PEX10: variants seen among roughly 807,000 people sequenced by gnomAD.
PEX10 encodes the protein peroxisomal biogenesis factor 10.
PEX10 carries 32 observed loss-of-function variants against 38.0 expected under a neutral mutation model. The observed-to-expected ratio is 0.84, with a 90% CI of 0.63 to 1.13. The LOEUF (loss-of-function observed/expected upper bound fraction) is 1.13, where lower values mean the gene tolerates loss of function less well. PEX10 is among the 50% of genes most tolerant of loss of function. The pLI is 0.00. For missense variants in PEX10, 483 were observed against 457.7 expected (o/e 1.06, Z -0.51); for synonymous variants, 206 against 207.3 (o/e 0.99, Z 0.05).
rs2100427855 is a variant in PEX10, at chr1:2,408,466, T to C, written c.586A>G (p.Thr196Ala). 6.2e-7 allele frequency: 1 copy of C among 1,612,668 alleles called. No individual in the cohort carries two copies. Among genetic ancestry groups the C allele is most frequent in the East Asian group, 2.2e-5 (1 of 44,876 alleles). Residue 196 changes from threonine to alanine, a missense_variant, in exon 3 of 6, where the codon ACG (threonine) becomes GCG (alanine). Physicochemically the swap from Thr to Ala is moderately conservative, Grantham distance 58. Transcript: ENST00000447513. ...CTGCTACTTACGTACGTGATCCCCG[T>C]GAGCCTCTTGGCCAGGTGGTAGAAG... ...GVFYHLAKRL[T>A]GITYLRVRSL...
Position 2,409,178 on chromosome 1 carries a change from A to C in PEX10, c.194-320T>G, listed in dbSNP as rs1643107689. On this transcript the variant is annotated intron_variant, in intron 2 of 5. Coordinates refer to ENST00000447513, the MANE Select transcript of PEX10 (RefSeq NM_002617.4). This position sits in a 1 kb window ranked among gnomAD's most constrained non-coding sequence, Gnocchi z 6.2. ...CCCTTTCTCCCTAGCTGTCCCCGCCACCTCCCCCAGCCCAAGCACTCGGAT... is the reference window on the plus strand; with the variant it reads ...CCCTTTCTCCCTAGCTGTCCCCGCCCCCTCCCCCAGCCCAAGCACTCGGAT... Among the ~76,000 whole-genome samples, 2 of 145,344 alleles carry C rather than the reference A, an allele frequency of 1.4e-5. No homozygotes were observed.
intron 1 of PEX10, among the ~76,000 whole-genome samples, chr1:2,411,705 T>G (rs1643229321): frequency 6.6e-6 from 1 of 152,020 alleles, no homozygotes; most frequent in Non-Finnish European, 1.5e-5. Context: ...GTCCGGCTAA[T>G]TTTCAGATTT....
rs747771124 is a variant in PEX10 at position 2,406,763 on chromosome 1, C to T, written c.733G>A (p.Ala245Thr). The change falls in exon 4 of 6, where the codon GCC (alanine) becomes ACC (threonine). Residue 245 changes from alanine to threonine, a missense_variant. Physicochemically the swap from Ala to Thr is moderately conservative, Grantham distance 58 (BLOSUM62 0). Transcript: ENST00000447513. Reference protein sequence around the residue: ...QLYGFRQRQRARKEWRLHRGL... With the variant: ...QLYGFRQRQRTRKEWRLHRGL... Reference sequence around the variant, plus strand: ...CGGTGCAGCCTCCACTCCTTCCTGGCTCGCTGCCGCTGCCTGAAACCGTAC... The same window carrying T: ...CGGTGCAGCCTCCACTCCTTCCTGGTTCGCTGCCGCTGCCTGAAACCGTAC... 1.2e-6 allele frequency: 2 copies of T among 1,609,324 alleles called. No homozygotes were observed. The highest frequency in any genetic ancestry group is 1.1e-5 in the South Asian group (1 of 90,438).
rs1418762869 is a variant in PEX10, at chr1:2,405,828, A to G, written c.919T>C (p.Cys307Arg). The change falls in exon 6 of 6, where the codon TGT becomes CGT. Residue 307 changes from cysteine (C) to arginine (R), a missense_variant. By Grantham distance (180) the Cys-to-Arg change is radical. Transcript: ENST00000447513. ...GGGAACTTCTCCCGGCAGAGGGGAC[A>G]CTCCGCCTGCGGAGAGGAGAAAGGG... The part of the protein sequence containing the change: ...ITAWCSSKAE[C>R]PLCREKFPPQ... 8 of 1,594,682 alleles carry G rather than the reference A, an allele frequency of 5.0e-6. No homozygotes were observed. The highest frequency in any genetic ancestry group is 2.7e-5 in the African/African-American group (2 of 74,478).
Position 2,410,312 on chromosome 1 carries a change from G to T in PEX10, c.193+59C>A. 6.8e-7 allele frequency: 1 copy of T among 1,462,726 alleles called. No homozygotes were observed. Among genetic ancestry groups the T allele is most frequent in the Non-Finnish European group, 9.6e-7 (1 of 1,042,854 alleles). 90.6% of individuals were successfully genotyped at this position (1,462,726 alleles called of 1,614,324 possible). ...ACTGCCTGGCAGCCCCCTGGCCACCGTCCCCAGACTTGGTGTGTGTGGCTG... is the reference window on the plus strand; with the variant it reads ...ACTGCCTGGCAGCCCCCTGGCCACCTTCCCCAGACTTGGTGTGTGTGGCTG... On this transcript the variant is annotated intron_variant, in intron 2 of 5. Coordinates refer to ENST00000447513, the MANE Select transcript of PEX10 (RefSeq NM_002617.4). The surrounding 1 kb of genome is among the most constrained non-coding windows in gnomAD (Gnocchi z 5.1).
chr1:2,413,007 G>A (rs1643324426), upstream of PEX10, among the ~76,000 whole-genome samples: 1 of 152,234 alleles, frequency 6.6e-6, no homozygotes, highest in South Asian at 2.1e-4. Context: ...AGCTCCCAGC[G>A]CCGGCCGCGG....
chr1:2,407,989 G>T (rs1225881935), intron 3 of PEX10, among the ~76,000 whole-genome samples: 1 of 148,162 alleles, frequency 6.7e-6, no homozygotes, highest in Non-Finnish European at 1.5e-5. Context: ...GGGAACGGCC[G>T]TCTGATGGGG....
At position 2,404,033 on chromosome 1, in the gene PEX10, G is replaced by A. The variant is rs892351992; in HGVS notation, c.*1733C>T. 2 of 152,274 alleles carry A rather than the reference G, an allele frequency of 1.3e-5. No homozygotes were observed. The highest frequency in any genetic ancestry group is 2.9e-5 in the Non-Finnish European group (2 of 68,056). 9.4% of individuals were successfully genotyped at this position (152,274 alleles called of 1,614,324 possible). A position where few individuals can be genotyped will look rare whatever the true frequency, so the allele number is the denominator to read the frequency against. On this transcript the variant is annotated 3_prime_UTR_variant, in exon 6 of 6. Transcript: ENST00000447513. Reference sequence around the variant, plus strand: ...TAAAACATGGCAGTCGCTGGACACAGGAAAGCCCACCTTTTGTTTGGCCTT... The same window carrying A: ...TAAAACATGGCAGTCGCTGGACACAAGAAAGCCCACCTTTTGTTTGGCCTT...
Position 2,410,369 on chromosome 1 carries a change from A to T in PEX10, c.193+2T>A. 5 of 1,613,464 alleles carry T rather than the reference A, an allele frequency of 3.1e-6. No individual in the cohort carries two copies. The highest frequency in any genetic ancestry group is 4.2e-6 in the Non-Finnish European group (5 of 1,179,462). On this transcript the variant is annotated splice_donor_variant, in intron 2 of 5. Coordinates refer to ENST00000447513, the MANE Select transcript of PEX10 (RefSeq NM_002617.4). LOFTEE classifies it high-confidence loss of function. This position sits in a 1 kb window ranked among gnomAD's most constrained non-coding sequence, Gnocchi z 5.1. Reference sequence around the variant, plus strand: ...GTCCTGAGGTCCCGTGGGAGCTTCTACCTGCAAGTGTGGTGAGGCCAAAGT... The same window carrying T: ...GTCCTGAGGTCCCGTGGGAGCTTCTTCCTGCAAGTGTGGTGAGGCCAAAGT...
chr1:2,405,689 G>A lies in PEX10; in HGVS notation c.*77C>T, dbSNP rs1557907630. On this transcript the variant is annotated 3_prime_UTR_variant, in exon 6 of 6. Transcript: ENST00000447513. ...AGTGTTCTAACTTCTGTGCAAGCAA[G>A]GTTAATCCTGAGACTAAATCTTGGC... is the stretch of plus-strand genomic sequence containing the variant. 7.8e-7 allele frequency: 1 copy of A among 1,278,336 alleles called. No individual in the cohort carries two copies. Among genetic ancestry groups the A allele is most frequent in the African/African-American group, 1.5e-5 (1 of 67,886 alleles). The allele number at this position is 1,278,336 out of a possible 1,614,324, so 79.2% of individuals were successfully genotyped here.
intron 1 of PEX10, among the ~76,000 whole-genome samples, chr1:2,412,035 G>A (rs1332999993): frequency 6.6e-6 from 1 of 152,254 alleles, no homozygotes; most frequent in Non-Finnish European, 1.5e-5. Context: ...TCGGAGGGAG[G>A]CTTGAAGCAC....
rs2100441590 is a variant in PEX10, at chr1:2,412,480, G to T, written c.23C>A (p.Pro8His). Residue 8 changes from proline (P) to histidine (H), a missense_variant, in exon 1 of 6, where the codon CCC becomes CAC. By Grantham distance (77) the Pro-to-His change is moderately conservative. Transcript: ENST00000447513. MAPAAAS[P>H]PEVIRAAQKD... ...CTGCGCCGCGCGGATCACCTCCGGG[G>T]GGCTGGCGGCGGCCGGGGCCATGGC... The T allele has an allele frequency of 7.2e-7, 1 of 1,389,010 alleles. No individual in the cohort carries two copies. The highest frequency in any genetic ancestry group is 3.2e-5 in the Admixed American group (1 of 31,312). 86.0% of individuals were successfully genotyped at this position (1,389,010 alleles called of 1,614,324 possible).
upstream of PEX10, among the ~76,000 whole-genome samples, chr1:2,412,825 G>T (rs1557915632): frequency 6.6e-6 from 1 of 152,126 alleles, no homozygotes; most frequent in Admixed American, 6.5e-5. Flanking sequence ...ATGGGCTCGC[G>T]GCCGCGTGGT....
chr1:2,408,469 G>A lies in PEX10; in HGVS notation c.583C>T (p.Leu195Phe), dbSNP rs116354317. ...CTACTTACGTACGTGATCCCCGTGA[G>A]CCTCTTGGCCAGGTGGTAGAAGACA... is the stretch of plus-strand genomic sequence containing the variant. The part of the protein sequence containing the change: ...HGVFYHLAKR[L>F]TGITYLRVRS... The change falls in exon 3 of 6, where the codon CTC becomes TTC. Residue 195 changes from leucine to phenylalanine, a missense_variant. By Grantham distance (22) the Leu-to-Phe change is conservative (BLOSUM62 0). Coordinates refer to ENST00000447513, the MANE Select transcript of PEX10 (RefSeq NM_002617.4). 42 of 1,612,992 alleles carry A rather than the reference G, an allele frequency of 2.6e-5. No homozygotes were observed. The African/African-American group carries it at 5.1e-4, about 19-fold the overall frequency.
rs1642935137 is a variant in PEX10, at chr1:2,404,587, CCCT to C, written c.*1176_*1178del. The C allele has an allele frequency of 1.3e-5, 2 of 152,290 alleles. No homozygotes were observed. The highest frequency in any genetic ancestry group is 2.1e-4 in the South Asian group (1 of 4,836). The allele number at this position is 152,290 out of a possible 1,614,324, so 9.4% of individuals were successfully genotyped here. A position where few individuals can be genotyped will look rare whatever the true frequency, so the allele number is the denominator to read the frequency against. On this transcript the variant is annotated 3_prime_UTR_variant, in exon 6 of 6. Transcript: ENST00000447513. ...AGTCTAGAGGGTCACGGCCCCCCCG[CCCT>C]CCTCCGTCTCTGGCAAGCTGACCTT...
chr1:2,404,188 C>A lies in PEX10; in HGVS notation c.*1578G>T, dbSNP rs1642921815. ...AGGCTCCTCACTCTGGGCGGTGTTT[C>A]CTGTCTCAGAATTGACACGGTGAAT... On this transcript the variant is annotated 3_prime_UTR_variant, in exon 6 of 6. Transcript: ENST00000447513. 1 of 152,332 alleles carries A rather than the reference C, an allele frequency of 6.6e-6. No individual in the cohort carries two copies. The highest frequency in any genetic ancestry group is 1.5e-5 in the Non-Finnish European group (1 of 68,048). 9.4% of individuals were successfully genotyped at this position (152,332 alleles called of 1,614,324 possible).
chr1:2,406,724 G>A lies in PEX10; in HGVS notation c.772C>T (p.Arg258Cys), dbSNP rs760632208. The A allele has an allele frequency of 1.9e-5, 30 of 1,608,776 alleles. No homozygotes were observed. Among genetic ancestry groups the A allele is most frequent in the South Asian group, 5.5e-5 (5 of 90,470 alleles). ...ATGTGTGGCCCCCGCACGCACCTGC[G>A]GTGAGACAGGCCGCGGTGCAGCCTC... ...EWRLHRGLSHRRASLEERAVS... is the reference protein window; with the variant it reads ...EWRLHRGLSHCRASLEERAVS... Residue 258 changes from arginine (R) to cysteine (C), a missense_variant, in exon 4 of 6, where the codon CGC becomes TGC. By Grantham distance (180) the Arg-to-Cys change is radical. Transcript: ENST00000447513.
intron 5 of PEX10, 21 bp from the exon 6 acceptor site, chr1:2,405,855 G>A: frequency 6.4e-7 from 1 of 1,574,596 alleles, no homozygotes; most frequent in Non-Finnish European, 8.6e-7. Flanking sequence ...GAGAAAGGGG[G>A]TCACAGCAGC....
chr1:2,412,514 C>A lies in PEX10; in HGVS notation c.-12G>T. ...GCGGCCGGGGCCATGGCCGCGGGTT[C>A]GGGTGGTCCCGAGCAGCCACGCCGG... On this transcript the variant is annotated 5_prime_UTR_variant, in exon 1 of 6. Transcript: ENST00000447513. 1.5e-6 allele frequency: 2 copies of A among 1,343,336 alleles called. No homozygotes were observed. Among genetic ancestry groups the A allele is most frequent in the Non-Finnish European group, 1.9e-6 (2 of 1,051,500 alleles). The allele number at this position is 1,343,336 out of a possible 1,614,324, so 83.2% of individuals were successfully genotyped here.
Sources: gnomAD v4.1 joint callset for allele counts (sites outside exome capture counted in the v4.1 genomes callset) on GRCh38, gnomAD v4.1.1 for gene constraint, Gnocchi (gnomAD v3.1) non-coding constraint, MANE v1.5 for transcripts, NCBI Gene and HGNC (gene_info 2026-07-23, HGNC 2026-07-21) for gene names.